SGCZ: variants seen among roughly 807,000 people sequenced by gnomAD.
SGCZ encodes sarcoglycan zeta.
Under a neutral mutation model 41.3 loss-of-function variants are expected in SGCZ, and 40 were observed. The ratio of observed to expected loss-of-function variants is 0.97; its 90% CI spans 0.75 to 1.26. The LOEUF is 1.26. SGCZ is among the 50% of genes most tolerant of loss of function. The pLI is 0.00. For missense variants in SGCZ, 552 were observed against 369.8 expected (o/e 1.49, Z -4.04); for synonymous variants, 206 against 137.5 (o/e 1.50, Z -3.49).
At chr8:15,165,750 A>C (rs1799648281) in intron 1 of SGCZ, among the ~76,000 whole-genome samples, 1 of 152,222 alleles carries the variant, frequency 6.6e-6, no homozygotes, top group African/African-American at 2.4e-5. Context: ...GGGTTAAAGT[A>C]TTTTGAGTTA....
chr8:14,234,617 CA>C (rs1422536140), intron 4 of SGCZ, among the ~76,000 whole-genome samples: 1 of 151,538 alleles, frequency 6.6e-6, no homozygotes, highest in Non-Finnish European at 1.5e-5. Flanking sequence ...TTTAATATTG[CA>C]AAAATAGTAT....
At position 14,097,078 on chromosome 8, in the gene SGCZ, T is replaced by A. The variant is rs184306016; in HGVS notation, c.744+5298A>T. 2.3e-4 allele frequency among the ~76,000 whole-genome samples: 35 copies of A among 152,254 alleles called. No homozygotes were observed. The East Asian group carries it at 6.6e-3, about 29-fold the overall frequency. On this transcript the variant is annotated intron_variant, in intron 7 of 7. Coordinates refer to ENST00000382080, the MANE Select transcript of SGCZ (RefSeq NM_139167.4). ...TGGATTCATTGATTTTTTGAAGAGT[T>A]TTTTTGTGTATCTCCTTCAGTTCTG...
At chr8:14,166,157 G>A (rs367940821) in intron 4 of SGCZ, among the ~76,000 whole-genome samples, 1 of 151,978 alleles carries the variant, frequency 6.6e-6, no homozygotes, top group East Asian at 1.9e-4. Context: ...TAAAACTAAT[G>A]TTAAACTTTT....
intron 3 of SGCZ, among the ~76,000 whole-genome samples, chr8:14,303,877 G>T (rs932433588): frequency 6.6e-6 from 1 of 151,672 alleles, no homozygotes; most frequent in Non-Finnish European, 1.5e-5. Context: ...TCAGTCTCCC[G>T]AGTGGCTAGG....
At chr8:14,601,413 A>G (rs1007671224) in intron 1 of SGCZ, among the ~76,000 whole-genome samples, 3 of 152,206 alleles carry the variant, frequency 2.0e-5, no homozygotes, top group Non-Finnish European at 2.9e-5. Flanking sequence ...TTAAAATACA[A>G]TAAATGGAAG....
chr8:14,355,033 G>A (rs1248069581), intron 2 of SGCZ, among the ~76,000 whole-genome samples: 1 of 151,860 alleles, frequency 6.6e-6, no homozygotes, highest in Non-Finnish European at 1.5e-5. Context: ...AATTTGGCAA[G>A]CTAGCAATTC....
At chr8:14,127,858 C>T (rs2117050186) in intron 5 of SGCZ, among the ~76,000 whole-genome samples, 1 of 152,242 alleles carries the variant, frequency 6.6e-6, no homozygotes, top group Non-Finnish European at 1.5e-5. Flanking sequence ...CAAATTCTTT[C>T]ATCACCCAGG....
rs138560223 is a variant in SGCZ at position 14,625,510 on chromosome 8, A to G, written c.40-70584T>C. On this transcript the variant is annotated intron_variant, in intron 1 of 7. Transcript: ENST00000382080. ...ATGGCTAGACTATATGGAAGGGAAA[A>G]TACAGCTGAGATTTCATACCTAGAG... Among the ~76,000 whole-genome samples the G allele has an allele frequency of 9.2e-5, 14 of 152,350 alleles. No homozygotes were observed. In the East Asian group the frequency reaches 2.3e-3, roughly 25 times the overall value.
chr8:14,611,919 A>G (rs1805942435), intron 1 of SGCZ, among the ~76,000 whole-genome samples: 1 of 152,202 alleles, frequency 6.6e-6, no homozygotes, highest in Non-Finnish European at 1.5e-5. Context: ...TGCACTGTGT[A>G]AAATACAGGT....
intron 1 of SGCZ, among the ~76,000 whole-genome samples, chr8:14,868,624 C>A (rs1421838070): frequency 1.3e-5 from 2 of 152,034 alleles, no homozygotes; most frequent in Admixed American, 6.6e-5. Context: ...TAAGCCATTA[C>A]AAAGCACATA....
At chr8:14,901,330 C>T (rs1242810381) in intron 1 of SGCZ, among the ~76,000 whole-genome samples, 1 of 152,160 alleles carries the variant, frequency 6.6e-6, no homozygotes, top group Non-Finnish European at 1.5e-5. Flanking sequence ...GTCCATTATG[C>T]ATGGGAGTAG....
At chr8:14,780,391 G>T (rs201375364) in intron 1 of SGCZ, among the ~76,000 whole-genome samples, 1 of 140,264 alleles carries the variant, frequency 7.1e-6, no homozygotes, top group Non-Finnish European at 1.6e-5. Context: ...AAAAAAAAAA[G>T]AAAAGAAAAG....
chr8:14,437,424 C>T (rs1800124932), intron 2 of SGCZ, among the ~76,000 whole-genome samples: 1 of 152,130 alleles, frequency 6.6e-6, no homozygotes, highest in East Asian at 1.9e-4. Flanking sequence ...CATCATATTG[C>T]AATAGAAACA....
chr8:14,846,162 A>C (rs918482642), intron 1 of SGCZ, among the ~76,000 whole-genome samples: 1 of 152,186 alleles, frequency 6.6e-6, no homozygotes, highest in African/African-American at 2.4e-5. Context: ...CAGACCAGAA[A>C]AAAATACTAT....
chr8:14,096,737 A>C (rs1398997073), intron 7 of SGCZ, among the ~76,000 whole-genome samples: 1 of 152,026 alleles, frequency 6.6e-6, no homozygotes, highest in East Asian at 1.9e-4. Context: ...CTGGTCCAGA[A>C]CTTTTTTTGG....
intron 2 of SGCZ, among the ~76,000 whole-genome samples, chr8:14,427,989 G>C (rs1468774191): frequency 6.6e-6 from 1 of 151,898 alleles, no homozygotes; most frequent in East Asian, 1.9e-4. Flanking sequence ...ATGTATCTAG[G>C]TTATATGCAA....
chr8:14,579,490 C>T (rs1196788838), intron 1 of SGCZ, among the ~76,000 whole-genome samples: 6 of 152,070 alleles, frequency 3.9e-5, no homozygotes, highest in South Asian at 4.1e-4. Context: ...TTATTTGCAT[C>T]GATAACTGAA....
chr8:14,180,387 A>G (rs894389697), intron 4 of SGCZ, among the ~76,000 whole-genome samples: 1 of 152,160 alleles, frequency 6.6e-6, no homozygotes, highest in Admixed American at 6.5e-5. Context: ...CCAGCATGGC[A>G]GTGGAGCCAC....
intron 1 of SGCZ, among the ~76,000 whole-genome samples, chr8:15,037,222 T>C (rs2130969594): frequency 6.6e-6 from 1 of 152,290 alleles, no homozygotes; most frequent in Middle Eastern, 3.4e-3. Context: ...TGAATCATAA[T>C]GGAGGCGGTT....
Sources: gnomAD v4.1 joint callset for allele counts (sites outside exome capture counted in the v4.1 genomes callset) on GRCh38, gnomAD v4.1.1 for gene constraint, MANE v1.5 for transcripts, NCBI Gene and HGNC (gene_info 2026-07-23, HGNC 2026-07-21) for gene names.